The following MDGA2 variants were observed in gnomAD, a reference collection of about 807,000 sequenced individuals.
MDGA2 encodes MAM domain-containing glycosylphosphatidylinositol anchor protein 2.
In MDGA2, 40 loss-of-function variants were observed where a neutral mutation model predicts 117.8. That is an observed-to-expected ratio of 0.34 (90% confidence interval 0.26 to 0.44). The LOEUF (loss-of-function observed/expected upper bound fraction) is 0.44, where lower values mean the gene tolerates loss of function less well. Among genes scored for constraint, MDGA2 ranks in the 20% least tolerant of loss-of-function variants. The pLI is 1.00. For missense variants in MDGA2, 1,123 were observed against 1,250.6 expected, an observed-to-expected ratio of 0.90 and a Z score of 1.54; for synonymous variants, 452 against 439.0, an observed-to-expected ratio of 1.03 and a Z score of -0.37.
intron 8 of MDGA2, among the ~76,000 whole-genome samples, chr14:47,001,461 G>A (rs1887526887): frequency 6.6e-6 from 1 of 151,896 alleles, no homozygotes; most frequent in Non-Finnish European, 1.5e-5. Context: ...AAACAAAAGG[G>A]AACAAAACTT....
At chr14:46,922,231 G>T (rs542968412) in intron 9 of MDGA2, among the ~76,000 whole-genome samples, 1 of 152,226 alleles carries the variant, frequency 6.6e-6, no homozygotes, top group East Asian at 1.9e-4. Context: ...TTTTGACTTA[G>T]AAATGTTCTA....
At chr14:47,113,186 C>A (rs1389620737) in intron 5 of MDGA2, among the ~76,000 whole-genome samples, 1 of 152,028 alleles carries the variant, frequency 6.6e-6, no homozygotes, top group Non-Finnish European at 1.5e-5. Context: ...ACTATAAACA[C>A]CTCCATTCAA....
chr14:47,179,429 A>G lies in MDGA2; in HGVS notation c.596-35155T>C, dbSNP rs528520724. 3.9e-5 allele frequency among the ~76,000 whole-genome samples: 6 copies of G among 152,086 alleles called. No individual in the cohort carries two copies. The South Asian group carries it at 1.0e-3, about 26-fold the overall frequency. On this transcript the variant is annotated intron_variant, in intron 3 of 16. Transcript: ENST00000399232. ...TTTTTCATAACTCTTTGACTTTTAA[A>G]TATTTGTATTATTGCAAGTAAACTA...
intron 8 of MDGA2, among the ~76,000 whole-genome samples, chr14:46,989,456 T>C (rs1260699229): frequency 6.6e-6 from 1 of 152,066 alleles, no homozygotes. Context: ...TCTTGGCAGG[T>C]GACAATATGT....
intron 8 of MDGA2, among the ~76,000 whole-genome samples, chr14:47,007,697 T>C (rs781650970): frequency 7.9e-5 from 12 of 151,740 alleles, no homozygotes; most frequent in Non-Finnish European, 1.6e-4. Flanking sequence ...GGTAGGAAAA[T>C]TAAATACAGT....
intron 10 of MDGA2, among the ~76,000 whole-genome samples, chr14:46,904,791 T>C (rs1021272421): frequency 3.9e-5 from 6 of 152,186 alleles, no homozygotes; most frequent in African/African-American, 1.2e-4. Flanking sequence ...ACTCCTAAGA[T>C]GAAACTCGAC....
intron 1 of MDGA2, among the ~76,000 whole-genome samples, chr14:47,371,818 A>G (rs1239202282): frequency 6.6e-6 from 1 of 151,838 alleles, no homozygotes. Context: ...AACATCATAC[A>G]AATCAGTATT....
At chr14:47,323,692 C>G (rs1890055930) in intron 1 of MDGA2, among the ~76,000 whole-genome samples, 1 of 151,808 alleles carries the variant, frequency 6.6e-6, no homozygotes, top group East Asian at 1.9e-4. Context: ...CTGTCTTTAA[C>G]TATAGAACAG....
intron 1 of MDGA2, among the ~76,000 whole-genome samples, chr14:47,340,729 A>G (rs77395562): frequency 0.015 from 2,331 of 152,294 alleles, 62 homozygotes; most frequent in East Asian, 0.14. Flanking sequence ...GCAAATGTCA[A>G]TTAAGTTCCT....
At chr14:47,355,485 G>C (rs1477364515) in intron 1 of MDGA2, among the ~76,000 whole-genome samples, 2 of 152,086 alleles carry the variant, frequency 1.3e-5, no homozygotes, top group Admixed American at 6.5e-5. Context: ...TAAGGGATAA[G>C]AGAAATGGGA....
intron 8 of MDGA2, among the ~76,000 whole-genome samples, chr14:47,001,501 A>G (rs907325958): frequency 2.6e-5 from 4 of 152,116 alleles, no homozygotes; most frequent in African/African-American, 9.6e-5. Flanking sequence ...CTAACATGGT[A>G]GAAAGATTTG....
intron 1 of MDGA2, among the ~76,000 whole-genome samples, chr14:47,572,453 C>A (rs1040564049): frequency 1.1e-4 from 17 of 152,160 alleles, no homozygotes; most frequent in Non-Finnish European, 2.2e-4. Flanking sequence ...GGCTATTAAA[C>A]TTTGATTGCA....
chr14:47,282,141 C>A (rs537180483), intron 2 of MDGA2, among the ~76,000 whole-genome samples: 1 of 151,798 alleles, frequency 6.6e-6, no homozygotes, highest in East Asian at 1.9e-4. Flanking sequence ...ATGCTAGACT[C>A]TTTATTATCA....
At position 47,568,552 on chromosome 14, in the gene MDGA2, A is replaced by T. The variant is rs144427874; in HGVS notation, c.280+105965T>A. On this transcript the variant is annotated intron_variant, in intron 1 of 16. Transcript: ENST00000399232. The stretch of plus-strand genomic sequence containing the variant: ...ATTTACACCACTTAAAGTCTGTTTA[A>T]CTGATCATTTATTCCAATTTAAATT... Among the ~76,000 whole-genome samples, 1,246 of 152,332 alleles carry T rather than the reference A, an allele frequency of 8.2e-3. 21 individuals carry two copies. Among genetic ancestry groups the T allele is most frequent in the African/African-American group, 0.028 (1,183 of 41,594 alleles).
intron 1 of MDGA2, among the ~76,000 whole-genome samples, chr14:47,436,943 T>C (rs1473566885): frequency 1.3e-5 from 2 of 152,150 alleles, no homozygotes; most frequent in African/African-American, 2.4e-5. Context: ...TCATCAAAGT[T>C]GTATGCACGT....
intron 1 of MDGA2, among the ~76,000 whole-genome samples, chr14:47,438,628 T>A (rs946082216): frequency 2.0e-5 from 3 of 152,100 alleles, no homozygotes; most frequent in African/African-American, 7.2e-5. Flanking sequence ...TGCAGCTCTA[T>A]CCCTGCAGCT....
At chr14:47,625,259 G>A (rs190661066) in intron 1 of MDGA2, among the ~76,000 whole-genome samples, 1 of 151,898 alleles carries the variant, frequency 6.6e-6, no homozygotes, top group East Asian at 1.9e-4. Flanking sequence ...GATCTGCAGT[G>A]AGAGAAATGA....
At chr14:47,314,511 C>A (rs568610732) in intron 1 of MDGA2, among the ~76,000 whole-genome samples, 1 of 151,982 alleles carries the variant, frequency 6.6e-6, no homozygotes, top group African/African-American at 2.4e-5. Flanking sequence ...GACCTTATCT[C>A]GACAAAAGAA....
intron 1 of MDGA2, among the ~76,000 whole-genome samples, chr14:47,564,356 A>G (rs1196610923): frequency 1.3e-5 from 2 of 152,204 alleles, no homozygotes; most frequent in African/African-American, 4.8e-5. Flanking sequence ...TTGCTAAAGA[A>G]AGAGGCTTAA....
Sources: gnomAD v4.1 joint callset for allele counts (sites outside exome capture counted in the v4.1 genomes callset) on GRCh38, gnomAD v4.1.1 for gene constraint, MANE v1.5 for transcripts, NCBI Gene and HGNC (gene_info 2026-07-23, HGNC 2026-07-21) for gene names.